Variants in FGF12 observed in about 807,000 individuals in gnomAD.
The protein encoded by FGF12 is fibroblast growth factor 12, also known as fibroblast growth factor 12B.
A neutral mutation model predicts 23.6 loss-of-function variants in FGF12; 14 were observed. The ratio of observed to expected loss-of-function variants is 0.59; its 90% CI spans 0.39 to 0.93. FGF12 has a LOEUF of 0.93. Ranked by LOEUF, FGF12 falls within the 40% of genes least tolerant of loss-of-function variation. The probability of loss-of-function intolerance (pLI) is 0.00; values close to 1 mark genes in which losing one functional copy is unlikely to be tolerated. For synonymous variants in FGF12, 62 were observed against 77.3 expected, an observed-to-expected ratio of 0.80 and a Z score of 1.04; for missense variants, 175 against 217.8, an observed-to-expected ratio of 0.80 and a Z score of 1.24.
At chr3:192,346,564 C>T (rs1293643965) in intron 3 of FGF12, among the ~76,000 whole-genome samples, 1 of 152,078 alleles carries the variant, frequency 6.6e-6, no homozygotes, top group African/African-American at 2.4e-5. Flanking sequence ...CTTTTATGCT[C>T]TGGGAAAAGC....
intron 2 of FGF12, among the ~76,000 whole-genome samples, chr3:192,494,145 C>T (rs1723881687): frequency 6.6e-6 from 1 of 152,156 alleles, no homozygotes; most frequent in Non-Finnish European, 1.5e-5. Context: ...TCTGTAGCTT[C>T]CCCTCCAGTC....
At chr3:192,462,031 G>T (rs563899571) in intron 2 of FGF12, among the ~76,000 whole-genome samples, 148 of 151,594 alleles carry the variant, frequency 9.8e-4, no homozygotes, top group Non-Finnish European at 1.8e-3. Flanking sequence ...ATGATTATTG[G>T]ATGATAAGAA....
chr3:192,652,476 C>A (rs1716249577), intron 2 of FGF12, among the ~76,000 whole-genome samples: 1 of 152,154 alleles, frequency 6.6e-6, no homozygotes, highest in Non-Finnish European at 1.5e-5. Flanking sequence ...CCTGAGGCAG[C>A]AAAGTAAAAT....
At chr3:192,662,788 T>C (rs1004103227) in intron 2 of FGF12, among the ~76,000 whole-genome samples, 3 of 152,242 alleles carry the variant, frequency 2.0e-5, no homozygotes, top group African/African-American at 7.2e-5. Flanking sequence ...GTCTTATTGA[T>C]TACCAGAAGG....
chr3:192,284,675 A>G (rs1032863739), intron 4 of FGF12, among the ~76,000 whole-genome samples: 10 of 152,080 alleles, frequency 6.6e-5, no homozygotes, highest in African/African-American at 2.4e-4. Context: ...GCAAATCAAT[A>G]GAGCTAGAGA....
chr3:192,536,838 T>C (rs1046621886), intron 2 of FGF12, among the ~76,000 whole-genome samples: 1 of 152,198 alleles, frequency 6.6e-6, no homozygotes, highest in Non-Finnish European at 1.5e-5. Context: ...TAATTTTAAA[T>C]ATATAGTAAA....
chr3:192,622,928 T>C (rs951860040), intron 2 of FGF12, among the ~76,000 whole-genome samples: 9 of 152,214 alleles, frequency 5.9e-5, no homozygotes, highest in African/African-American at 1.9e-4. Flanking sequence ...ACAATCTTTC[T>C]GGATTATGAC....
At chr3:192,217,504 G>A (rs1284464521) in intron 4 of FGF12, among the ~76,000 whole-genome samples, 1 of 152,076 alleles carries the variant, frequency 6.6e-6, no homozygotes, top group East Asian at 1.9e-4. Flanking sequence ...AGAGCAAAGA[G>A]GAACGTAGAC....
At chr3:192,433,214 T>C (rs763569905) in intron 2 of FGF12, among the ~76,000 whole-genome samples, 2 of 152,208 alleles carry the variant, frequency 1.3e-5, no homozygotes, top group Non-Finnish European at 2.9e-5. Context: ...GTACTTTAGA[T>C]ATAGAATGAT....
At chr3:192,467,975 G>A (rs1188033220) in intron 2 of FGF12, among the ~76,000 whole-genome samples, 1 of 152,078 alleles carries the variant, frequency 6.6e-6, no homozygotes, top group African/African-American at 2.4e-5. Flanking sequence ...TCCCCTCCTC[G>A]GCAGAGGATG....
chr3:192,542,721 G>C lies in FGF12; in HGVS notation c.14-182183C>G, dbSNP rs553882603. On this transcript the variant is annotated intron_variant, in intron 2 of 5. Transcript: ENST00000445105. ...GGTCACTGCAGCCCCATCTGTATTA[G>C]GGAGCACCCCAAGCCCAGTAACAAT... 8.6e-5 allele frequency among the ~76,000 whole-genome samples: 13 copies of C among 151,928 alleles called. No individual in the cohort carries two copies. In the East Asian group the frequency reaches 1.9e-3, roughly 23 times the overall value.
At chr3:192,685,640 G>C (rs963161586) in intron 2 of FGF12, among the ~76,000 whole-genome samples, 1 of 152,048 alleles carries the variant, frequency 6.6e-6, no homozygotes, top group East Asian at 1.9e-4. Flanking sequence ...GTACCAGCAC[G>C]GAGGAGAGTA....
intron 4 of FGF12, among the ~76,000 whole-genome samples, chr3:192,240,342 C>T (rs2108594391): frequency 6.6e-6 from 1 of 152,200 alleles, no homozygotes; most frequent in Non-Finnish European, 1.5e-5. Flanking sequence ...AATGACTTAT[C>T]TGATTTCCCC....
chr3:192,411,677 C>T (rs1721204608), intron 2 of FGF12, among the ~76,000 whole-genome samples: 1 of 152,194 alleles, frequency 6.6e-6, no homozygotes, highest in Admixed American at 6.5e-5. Flanking sequence ...TTGTCTCATT[C>T]TTGAGCAAGG....
chr3:192,406,248 A>G (rs1367070735), intron 2 of FGF12, among the ~76,000 whole-genome samples: 1 of 151,932 alleles, frequency 6.6e-6, no homozygotes, highest in Non-Finnish European at 1.5e-5. Flanking sequence ...AGTCAACTCC[A>G]GAGATCAGGA....
chr3:192,481,985 C>G (rs1723492562), intron 2 of FGF12, among the ~76,000 whole-genome samples: 1 of 152,128 alleles, frequency 6.6e-6, no homozygotes, highest in Non-Finnish European at 1.5e-5. Context: ...AAAGAAGAGT[C>G]ACATGAAGAA....
At chr3:192,275,126 A>G (rs1184429958) in intron 4 of FGF12, among the ~76,000 whole-genome samples, 1 of 152,178 alleles carries the variant, frequency 6.6e-6, no homozygotes, top group Non-Finnish European at 1.5e-5. Context: ...ATAGATAAAT[A>G]AAATTTATAG....
intron 2 of FGF12, among the ~76,000 whole-genome samples, chr3:192,581,973 A>T (rs566121704): frequency 6.6e-6 from 1 of 152,208 alleles, no homozygotes; most frequent in Non-Finnish European, 1.5e-5. Flanking sequence ...ACTCTTTGAC[A>T]ATATTTCTGC....
chr3:192,359,049 G>A (rs925359105), intron 3 of FGF12, among the ~76,000 whole-genome samples: 6 of 152,072 alleles, frequency 3.9e-5, no homozygotes, highest in African/African-American at 1.4e-4. Context: ...AGTACATGGA[G>A]AGAAAAGTAT....
Sources: allele counts gnomAD v4.1 joint callset (sites outside exome capture counted in the v4.1 genomes callset), GRCh38; gene constraint gnomAD v4.1.1; transcripts MANE v1.5; gene names NCBI Gene and HGNC (gene_info 2026-07-23, HGNC 2026-07-21).